ACSF2: variants seen among roughly 807,000 people sequenced by gnomAD.
ACSF2 encodes the protein medium-chain acyl-CoA ligase ACSF2, mitochondrial.
In ACSF2, 52 loss-of-function variants were observed where a neutral mutation model predicts 79.3. The ratio of observed to expected loss-of-function variants is 0.66; its 90% CI spans 0.53 to 0.83. ACSF2 has a LOEUF of 0.83. Ranked by LOEUF, ACSF2 falls within the 40% of genes least tolerant of loss-of-function variation. ACSF2 has a pLI of 0.00. For missense variants in ACSF2, 661 were observed against 803.3 expected (o/e 0.82, Z 2.14); for synonymous variants, 283 against 312.6 (o/e 0.91, Z 1.00).
At chr17:50,462,151 G>C (rs991889499) in intron 4 of ACSF2, 33 bp from the exon 5 acceptor site, 2 of 1,596,006 alleles carry the variant, frequency 1.3e-6, no homozygotes, top group African/African-American at 1.3e-5. Flanking sequence ...GGGGCTCCCC[G>C]CTGACTGGAG....
intron 9 of ACSF2, 109 bp from the exon 10 acceptor site, chr17:50,464,109 G>C (rs911650281): frequency 1.5e-6 from 2 of 1,350,532 alleles, no homozygotes; most frequent in Non-Finnish European, 2.1e-6. Context: ...GGAAAGGCTC[G>C]GGGTCAGAGG....
intron 10 of ACSF2, chr17:50,468,369 G>T: frequency 6.2e-6 from 10 of 1,614,250 alleles, no homozygotes; most frequent in Non-Finnish European, 8.5e-6. Flanking sequence ...AAGATGAAGA[G>T]GTTGACCAGC....
chr17:50,465,174 C>G (rs1467143320), intron 10 of ACSF2: 1 of 1,215,294 alleles, frequency 8.2e-7, no homozygotes, highest in East Asian at 2.3e-5. Flanking sequence ...CCCCTCCTCT[C>G]TCTGTAAAAA....
chr17:50,444,149 A>G (rs548231710), intron 1 of ACSF2, among the ~76,000 whole-genome samples: 1 of 152,338 alleles, frequency 6.6e-6, no homozygotes, highest in East Asian at 1.9e-4. Context: ...TTATTACAGT[A>G]TCAGACAGGT....
At chr17:50,470,721 C>G (rs776935859) in intron 10 of ACSF2, among the ~76,000 whole-genome samples, 23 of 151,914 alleles carry the variant, frequency 1.5e-4, no homozygotes, top group Non-Finnish European at 5.9e-5. Context: ...AATACCGGAG[C>G]CACAGGCACA....
chr17:50,426,876 C>T (rs1222052418), intron 1 of ACSF2: 5 of 1,534,694 alleles, frequency 3.3e-6, no homozygotes, highest in East Asian at 2.4e-5. Context: ...TTGCTGCCTA[C>T]TCCTGGGCCT....
intron 1 of ACSF2, among the ~76,000 whole-genome samples, chr17:50,440,794 G>A (rs2030846035): frequency 6.6e-6 from 1 of 152,264 alleles, no homozygotes; most frequent in South Asian, 2.1e-4. Flanking sequence ...GTCCGACCAG[G>A]TGGCTGCACA....
intron 1 of ACSF2, among the ~76,000 whole-genome samples, chr17:50,453,398 G>A (rs2143649345): frequency 6.6e-6 from 1 of 152,146 alleles, no homozygotes; most frequent in South Asian, 2.1e-4. Context: ...AGTAGAGACG[G>A]GGTTGCACCA....
At chr17:50,465,201 C>G in intron 10 of ACSF2, 1 of 1,480,770 alleles carries the variant, frequency 6.8e-7, no homozygotes, top group Non-Finnish European at 9.2e-7. Context: ...GTCTGCCTGA[C>G]CCTCCAGGGC....
intron 1 of ACSF2, among the ~76,000 whole-genome samples, chr17:50,457,918 AT>A (rs2032107232): frequency 1.3e-5 from 2 of 152,176 alleles, no homozygotes; most frequent in Non-Finnish European, 1.5e-5. Context: ...CCACATCAGA[AT>A]CACATGGGAT....
At chr17:50,462,835 C>G (rs1019569417) in intron 6 of ACSF2, 2 of 586,230 alleles carry the variant, frequency 3.4e-6, no homozygotes, top group Non-Finnish European at 6.0e-6. Flanking sequence ...TGAACCAACA[C>G]AGGTTGGAAC....
Position 50,462,322 on chromosome 17 carries a change from G to C in ACSF2, c.626+20G>C, listed in dbSNP as rs201746826. 6.2e-7 allele frequency: 1 copy of C among 1,613,182 alleles called. No individual in the cohort carries two copies. The highest frequency in any genetic ancestry group is 8.5e-7 in the Non-Finnish European group (1 of 1,179,426). On this transcript the variant is annotated intron_variant, in intron 5 of 15. Transcript: ENST00000300441. Reference sequence around the variant, plus strand: ...TCAGAGGTGGGTGTGTCCCAGGTTAGTGGGTGGTGCATCATTCAGCATCCC... The same window carrying C: ...TCAGAGGTGGGTGTGTCCCAGGTTACTGGGTGGTGCATCATTCAGCATCCC...
chr17:50,468,428 T>TAG, intron 10 of ACSF2: 1 of 1,614,218 alleles, frequency 6.2e-7, no homozygotes, highest in African/African-American at 1.3e-5. Context: ...GTGGTCCAGG[T>TAG]AGAGGTAGGT....
intron 1 of ACSF2, 42 bp downstream of exon 1, chr17:50,426,431 C>T: frequency 7.8e-7 from 1 of 1,283,604 alleles, no homozygotes; most frequent in Non-Finnish European, 9.9e-7. Flanking sequence ...GGGCAGTTCC[C>T]CGGGAGAGGA....
chr17:50,439,232 CTTTTTTTTTTTTTTT>C (rs754203020), intron 1 of ACSF2, among the ~76,000 whole-genome samples: 11 of 96,462 alleles, frequency 1.1e-4, no homozygotes, highest in African/African-American at 4.7e-4. Flanking sequence ...TACCACACAG[CTTTTTTTTTTTTTTT>C]TTTTTTTTTT....
rs1366098122 is a variant in ACSF2 at position 50,438,212 on chromosome 17, T to C, written c.128+11823T>C. On this transcript the variant is annotated intron_variant, in intron 1 of 15. Coordinates refer to ENST00000300441, the MANE Select transcript of ACSF2 (RefSeq NM_025149.6). ...TACTTTAGATAATCTCTAGACTACT[T>C]ATAATACCTAATACAGTATCTACAC... 5.3e-5 allele frequency among the ~76,000 whole-genome samples: 8 copies of C among 152,032 alleles called. 1 individual carries two copies. The highest frequency in any genetic ancestry group is 7.4e-5 in the Non-Finnish European group (5 of 67,996).
At position 50,474,166 on chromosome 17, in the gene ACSF2, C is replaced by T. The variant is rs898163648; in HGVS notation, c.1729-33C>T. ...CCATACCCCTGTGAGCTTGCGCAGC[C>T]TCACGCCTTACCTCCCTCCCTCTGG... On this transcript the variant is annotated intron_variant, in intron 14 of 15. Coordinates refer to ENST00000300441, the MANE Select transcript of ACSF2 (RefSeq NM_025149.6). The surrounding 1 kb of genome is among the most constrained non-coding windows in gnomAD (Gnocchi z 4.2). The T allele has an allele frequency of 3.7e-6, 6 of 1,613,570 alleles. No homozygotes were observed. In the African/African-American group the frequency reaches 8.0e-5, roughly 22 times the overall value.
chr17:50,462,183 G>A lies in ACSF2; in HGVS notation c.508-1G>A. The A allele has an allele frequency of 1.2e-6, 2 of 1,613,764 alleles. No homozygotes were observed. The highest frequency in any genetic ancestry group is 1.7e-6 in the Non-Finnish European group (2 of 1,179,900). ...GGAGGTGGGGGACTCCCCTTCCACA[G>A]GTGGGCTGCAAGGCCCTTGTGTTCC... On this transcript the variant is annotated splice_acceptor_variant, in intron 4 of 15. Transcript: ENST00000300441. LOFTEE classifies it high-confidence loss of function.
At position 50,445,359 on chromosome 17, in the gene ACSF2, A is replaced by G. The variant is rs546246491; in HGVS notation, c.129-15318A>G. On this transcript the variant is annotated intron_variant, in intron 1 of 15. Coordinates refer to ENST00000300441, the MANE Select transcript of ACSF2 (RefSeq NM_025149.6). The stretch of plus-strand genomic sequence containing the variant: ...GGGACAATTTGCCTCGAAAACCTGT[A>G]TGATTGCATTACAGAGGAGATACTC... Among the ~76,000 whole-genome samples the G allele has an allele frequency of 5.3e-5, 8 of 152,278 alleles. No individual in the cohort carries two copies. In the East Asian group the frequency reaches 1.5e-3, roughly 29 times the overall value.
Sources: allele counts gnomAD v4.1 joint callset (sites outside exome capture counted in the v4.1 genomes callset), GRCh38; gene constraint gnomAD v4.1.1; non-coding constraint Gnocchi (gnomAD v3.1); transcripts MANE v1.5; gene names NCBI Gene and HGNC (gene_info 2026-07-23, HGNC 2026-07-21).